The following RBM33 variants were observed in gnomAD, a reference collection of about 807,000 sequenced individuals.
RBM33 encodes RNA-binding protein 33.
In RBM33, 28 loss-of-function variants were observed where a neutral mutation model predicts 132.6. That is an observed-to-expected ratio of 0.21 (90% CI 0.16 to 0.29). The LOEUF is 0.29. Among genes scored for constraint, RBM33 ranks in the 10% least tolerant of loss-of-function variants. The pLI, the probability that RBM33 is intolerant of heterozygous loss-of-function variation, is 1.00. For missense variants in RBM33, 1,291 were observed against 1,518.5 expected (o/e 0.85, Z 2.49); for synonymous variants, 634 against 593.0 (o/e 1.07, Z -1.01).
rs202061257 is a variant in RBM33, at chr7:155,650,188, TGA to T, written c.43+5275_43+5276del. ...ACTGCCTGGGATGCCGCTCTAGCTC[TGA>T]GAGAGTTCTGAAGGGGTGGTCTCTG... is the stretch of plus-strand genomic sequence containing the variant. On this transcript the variant is annotated intron_variant, in intron 1 of 17. Transcript: ENST00000401878. 4.2e-3 allele frequency among the ~76,000 whole-genome samples: 645 copies of T among 152,356 alleles called. 9 individuals are homozygous for T. The highest frequency in any genetic ancestry group is 0.015 in the African/African-American group (621 of 41,580).
chr7:155,742,235 T>C (rs943136512), intron 13 of RBM33, 129 bp downstream of exon 13: 2 of 857,626 alleles, frequency 2.3e-6, no homozygotes, highest in African/African-American at 3.4e-5. Context: ...GGGTCTTTTT[T>C]TTTTTTTAAC....
At chr7:155,679,266 G>C (rs1292969761) in intron 4 of RBM33, among the ~76,000 whole-genome samples, 1 of 152,166 alleles carries the variant, frequency 6.6e-6, no homozygotes, top group Non-Finnish European at 1.5e-5. Context: ...ATTTAGTATG[G>C]ATATATGCTG....
At chr7:155,676,817 C>A (rs1376306025) in intron 3 of RBM33, among the ~76,000 whole-genome samples, 1 of 152,198 alleles carries the variant, frequency 6.6e-6, no homozygotes, top group African/African-American at 2.4e-5. Flanking sequence ...TTGTGCTTAT[C>A]ACCTCCTGTG....
intron 9 of RBM33, among the ~76,000 whole-genome samples, chr7:155,723,497 G>C (rs747217281): frequency 1.3e-5 from 2 of 152,208 alleles, no homozygotes; most frequent in Non-Finnish European, 2.9e-5. Flanking sequence ...CCACTTGCTA[G>C]TGGGTTTCTG....
intron 5 of RBM33, among the ~76,000 whole-genome samples, chr7:155,693,177 T>A (rs977354992): frequency 1.3e-5 from 2 of 152,262 alleles, no homozygotes; most frequent in African/African-American, 4.8e-5. Context: ...CAATATTTTC[T>A]GATTTAAAAA....
chr7:155,740,745 A>G (rs1303720422), intron 12 of RBM33, among the ~76,000 whole-genome samples: 1 of 152,242 alleles, frequency 6.6e-6, no homozygotes, highest in Non-Finnish European at 1.5e-5. Context: ...AGGGAGACAC[A>G]GTGTGGCTAG....
chr7:155,693,266 C>T (rs1036427484), intron 5 of RBM33, among the ~76,000 whole-genome samples: 21 of 151,600 alleles, frequency 1.4e-4, no homozygotes, highest in African/African-American at 4.8e-4. Context: ...GGTTAAACGC[C>T]GACCCTTGAA....
chr7:155,661,196 T>C (rs1485992209), intron 1 of RBM33, among the ~76,000 whole-genome samples: 1 of 143,282 alleles, frequency 7.0e-6, no homozygotes, highest in Non-Finnish European at 1.5e-5. Flanking sequence ...TGGAATGCAG[T>C]GGTGCAATGT....
At chr7:155,762,010 C>T (rs1802052255) in intron 14 of RBM33, among the ~76,000 whole-genome samples, 1 of 152,216 alleles carries the variant, frequency 6.6e-6, no homozygotes, top group African/African-American at 2.4e-5. Context: ...CTCAGCCTAG[C>T]TTCCTAGGGG....
intron 16 of RBM33, among the ~76,000 whole-genome samples, chr7:155,772,698 A>C (rs561339482): frequency 6.6e-6 from 1 of 152,360 alleles, no homozygotes; most frequent in African/African-American, 2.4e-5. Flanking sequence ...TGTTTCAGAA[A>C]AAAACAGACC....
chr7:155,690,244 T>C (rs867715229), intron 5 of RBM33, among the ~76,000 whole-genome samples: 3 of 152,238 alleles, frequency 2.0e-5, no homozygotes, highest in African/African-American at 7.2e-5. Flanking sequence ...TTGTCTCTTT[T>C]GATCTTTTTT....
chr7:155,670,737 C>T (rs1425602675), intron 2 of RBM33, among the ~76,000 whole-genome samples: 2 of 152,104 alleles, frequency 1.3e-5, no homozygotes, highest in Admixed American at 6.5e-5. Context: ...TGCTGTGGAT[C>T]GCTGGGGCTG....
intron 3 of RBM33, among the ~76,000 whole-genome samples, chr7:155,673,962 T>TTTG (rs1799102060): frequency 7.9e-6 from 1 of 127,236 alleles, no homozygotes. Context: ...TTTTTTTTTT[T>TTTG]TTTTTTTTTT....
At position 155,766,530 on chromosome 7, in the gene RBM33, A is replaced by G; in HGVS notation, c.3250A>G (p.Asn1084Asp). The G allele has an allele frequency of 1.2e-6, 2 of 1,613,770 alleles. No individual in the cohort carries two copies. Among genetic ancestry groups the G allele is most frequent in the East Asian group, 2.2e-5 (1 of 44,872 alleles). The change falls in exon 16 of 18, where the codon AAC (asparagine) becomes GAC (aspartate). Residue 1084 changes from asparagine (N) to aspartate (D), a missense_variant. Asn to Asp is a conservative substitution (Grantham distance 23). Coordinates refer to ENST00000401878, the MANE Select transcript of RBM33 (RefSeq NM_053043.3). ...GPMGRGRLMP[N>D]KQNLRVVECK... ...CATGGGCCGGGGGCGCCTGATGCCAAACAAGCAGAACCTGCGGGTGGTGGA... is the reference window on the plus strand; with the variant it reads ...CATGGGCCGGGGGCGCCTGATGCCAGACAAGCAGAACCTGCGGGTGGTGGA...
chr7:155,666,268 C>T (rs112850662), intron 2 of RBM33, among the ~76,000 whole-genome samples: 137 of 152,288 alleles, frequency 9.0e-4, no homozygotes, highest in Middle Eastern at 3.4e-3. Flanking sequence ...AGCCTGGAGG[C>T]CTGAGAACCA....
At chr7:155,694,632 A>G (rs945547531) in intron 5 of RBM33, among the ~76,000 whole-genome samples, 4 of 152,190 alleles carry the variant, frequency 2.6e-5, no homozygotes, top group Non-Finnish European at 5.9e-5. Flanking sequence ...TTCTATACCT[A>G]GATTGGCATT....
intron 8 of RBM33, among the ~76,000 whole-genome samples, chr7:155,716,618 A>G (rs1024428139): frequency 2.2e-4 from 34 of 152,224 alleles, no homozygotes; most frequent in Admixed American, 2.2e-3. Context: ...TCACGTCTTT[A>G]CATTTAATAT....
At chr7:155,721,529 G>C (rs145698122) in intron 9 of RBM33, among the ~76,000 whole-genome samples, 1 of 151,830 alleles carries the variant, frequency 6.6e-6, no homozygotes, top group Non-Finnish European at 1.5e-5. Context: ...TTGACTAAAA[G>C]AGTTAAAAAA....
chr7:155,651,637 G>A (rs910198122), intron 1 of RBM33, among the ~76,000 whole-genome samples: 1 of 149,178 alleles, frequency 6.7e-6, no homozygotes, highest in Non-Finnish European at 1.5e-5. Context: ...ATGAGTGTCA[G>A]TTCCTATAGA....
Sources: allele counts gnomAD v4.1 joint callset (sites outside exome capture counted in the v4.1 genomes callset), GRCh38; gene constraint gnomAD v4.1.1; transcripts MANE v1.5; gene names NCBI Gene and HGNC (gene_info 2026-07-23, HGNC 2026-07-21).